The following UGT3A1 variants were observed in gnomAD, a reference collection of about 807,000 sequenced individuals.
UGT3A1 encodes UDP-glycosyltransferase 3A1.
In UGT3A1, 40 loss-of-function variants were observed where a neutral mutation model predicts 37.6. That is an observed-to-expected ratio of 1.06 (90% confidence interval 0.83 to 1.38). The LOEUF (loss-of-function observed/expected upper bound fraction) is 1.38. Ranked by LOEUF, UGT3A1 falls within the 40% of genes most tolerant of loss-of-function variation. The pLI is 0.00. For missense variants in UGT3A1, 642 were observed against 634.2 expected, an observed-to-expected ratio of 1.01 and a Z score of -0.13; for synonymous variants, 256 against 232.3, an observed-to-expected ratio of 1.10 and a Z score of -0.93.
At chr5:35,974,598 T>C (rs1580941290) in intron 2 of UGT3A1, among the ~76,000 whole-genome samples, 1 of 152,216 alleles carries the variant, frequency 6.6e-6, no homozygotes, top group East Asian at 1.9e-4. Flanking sequence ...TGGAGAATGA[T>C]AGATGTCATA....
At position 35,991,016 on chromosome 5, in the gene UGT3A1, CTCCAGCCAGG is replaced by C; in HGVS notation, c.94+121_94+130del. Reference sequence around the variant, plus strand: ...CCACGGCTAGATGGGCTTCTCCCTCCTCCAGCCAGGTCCGCAAGCCCAGCCTGGAAAATCG... The same window carrying C: ...CCACGGCTAGATGGGCTTCTCCCTCCTCCGCAAGCCCAGCCTGGAAAATCG... On this transcript the variant is annotated intron_variant, in intron 1 of 6. Coordinates refer to ENST00000274278, the MANE Select transcript of UGT3A1 (RefSeq NM_152404.4). 3 of 1,596,350 alleles carry C rather than the reference CTCCAGCCAGG, an allele frequency of 1.9e-6. No individual in the cohort carries two copies. In the East Asian group the frequency reaches 6.7e-5, roughly 36 times the overall value.
chr5:35,958,041 T>C (rs1739427172), intron 4 of UGT3A1, among the ~76,000 whole-genome samples: 1 of 152,230 alleles, frequency 6.6e-6, no homozygotes, highest in Non-Finnish European at 1.5e-5. Flanking sequence ...TCACATATTT[T>C]GGTGCTCTGT....
chr5:35,987,434 G>GC (rs1179669524), intron 2 of UGT3A1, among the ~76,000 whole-genome samples: 1 of 152,128 alleles, frequency 6.6e-6, no homozygotes, highest in Non-Finnish European at 1.5e-5. Context: ...ATTTTGGTGT[G>GC]CATGGTCTGT....
intron 1 of UGT3A1, among the ~76,000 whole-genome samples, chr5:35,988,976 G>C (rs184001859): frequency 1.3e-5 from 2 of 152,198 alleles, no homozygotes; most frequent in Admixed American, 6.5e-5. Flanking sequence ...TAGTATGAAG[G>C]GTTCCTAATG....
upstream of UGT3A1, among the ~76,000 whole-genome samples, chr5:35,995,668 C>A (rs538927573): frequency 6.6e-6 from 1 of 152,180 alleles, no homozygotes; most frequent in Non-Finnish European, 1.5e-5. Flanking sequence ...AACAACCAGC[C>A]CCCGAAATCC....
At chr5:35,984,571 C>G (rs62352021) in intron 2 of UGT3A1, among the ~76,000 whole-genome samples, 68,038 of 143,698 alleles carry the variant, frequency 0.47, 16,588 homozygotes, top group Non-Finnish European at 0.61. Flanking sequence ...CTCCCAAGTT[C>G]AAGTACTTAT....
At chr5:35,962,981 C>G (rs755313707) in intron 4 of UGT3A1, 1 of 701,674 alleles carries the variant, frequency 1.4e-6, no homozygotes, top group Non-Finnish European at 2.6e-6. Context: ...AGGTGTCCCT[C>G]ATTTCCCTTC....
chr5:35,955,505 G>T, intron 6 of UGT3A1, 140 bp downstream of exon 6: 1 of 941,800 alleles, frequency 1.1e-6, no homozygotes, highest in Non-Finnish European at 1.6e-6. Context: ...AGAGAAAACA[G>T]GTGGGCTGTT....
upstream of UGT3A1, among the ~76,000 whole-genome samples, chr5:35,993,530 C>T (rs1397218362): frequency 6.6e-6 from 1 of 152,164 alleles, no homozygotes; most frequent in East Asian, 1.9e-4. Context: ...CCTACCCACC[C>T]CTTACATGAA....
intron 1 of UGT3A1, among the ~76,000 whole-genome samples, chr5:35,988,800 T>C (rs1019404910): frequency 1.3e-5 from 2 of 152,166 alleles, no homozygotes; most frequent in African/African-American, 4.8e-5. Flanking sequence ...AGATTTCCGC[T>C]TGTGGCTCAA....
At chr5:35,959,683 T>C (rs1299385800) in intron 4 of UGT3A1, among the ~76,000 whole-genome samples, 1 of 152,122 alleles carries the variant, frequency 6.6e-6, no homozygotes. Context: ...AATAGGACAT[T>C]ATCATGTGGA....
chr5:35,971,962 C>G (rs535115552), intron 2 of UGT3A1, among the ~76,000 whole-genome samples: 2 of 152,036 alleles, frequency 1.3e-5, no homozygotes, highest in Non-Finnish European at 2.9e-5. Flanking sequence ...TTTCCTGCTG[C>G]GGGAGGAAAG....
intron 4 of UGT3A1, among the ~76,000 whole-genome samples, chr5:35,959,291 A>G (rs531290900): frequency 6.6e-6 from 1 of 152,250 alleles, no homozygotes; most frequent in Non-Finnish European, 1.5e-5. Flanking sequence ...ATCACAAGGC[A>G]TACAAAGAAA....
intron 3 of UGT3A1, among the ~76,000 whole-genome samples, chr5:35,966,398 C>T (rs1217463258): frequency 6.6e-6 from 1 of 152,188 alleles, no homozygotes; most frequent in African/African-American, 2.4e-5. Context: ...CAGATTGTCT[C>T]ATGCAGTGAA....
intron 2 of UGT3A1, among the ~76,000 whole-genome samples, chr5:35,987,282 AGAAG>A (rs1740764767): frequency 6.6e-6 from 1 of 152,188 alleles, no homozygotes; most frequent in Non-Finnish European, 1.5e-5. Flanking sequence ...ACTGCAAACT[AGAAG>A]GAAGAATATT....
intron 1 of UGT3A1, among the ~76,000 whole-genome samples, chr5:35,989,445 G>A (rs1347322910): frequency 6.6e-6 from 1 of 152,230 alleles, no homozygotes; most frequent in Non-Finnish European, 1.5e-5. Context: ...CCGAGAGTTT[G>A]AGGATGGAGG....
chr5:35,982,283 C>T (rs1266754213), intron 2 of UGT3A1, among the ~76,000 whole-genome samples: 3 of 152,148 alleles, frequency 2.0e-5, no homozygotes, highest in Admixed American at 2.0e-4. Context: ...GTAGAACCAT[C>T]CTCCTGGAAA....
Position 35,951,952 on chromosome 5 carries a change from T to C in UGT3A1, c.*2250A>G, listed in dbSNP as rs1173894491. 1 of 152,236 alleles carries C rather than the reference T, an allele frequency of 6.6e-6. No individual in the cohort carries two copies. The highest frequency in any genetic ancestry group is 2.4e-5 in the African/African-American group (1 of 41,460). The allele number at this position is 152,236 out of a possible 1,614,324, so 9.4% of individuals were successfully genotyped here. A position where few individuals can be genotyped will look rare whatever the true frequency, so the allele number is the denominator to read the frequency against. On this transcript the variant is annotated 3_prime_UTR_variant, in exon 7 of 7. Coordinates refer to ENST00000274278, the MANE Select transcript of UGT3A1 (RefSeq NM_152404.4). The stretch of plus-strand genomic sequence containing the variant: ...ATTTGTTCCAGGCACTATGCCAGGT[T>C]CTATAACAAGATAAATAGGAACCAG...
At chr5:35,981,798 T>C (rs1052341847) in intron 2 of UGT3A1, among the ~76,000 whole-genome samples, 2 of 152,192 alleles carry the variant, frequency 1.3e-5, no homozygotes, top group African/African-American at 4.8e-5. Flanking sequence ...ACAAAGACAA[T>C]GGAGAAAATA....
Sources: gnomAD v4.1 joint callset for allele counts (sites outside exome capture counted in the v4.1 genomes callset) on GRCh38, gnomAD v4.1.1 for gene constraint, MANE v1.5 for transcripts, NCBI Gene and HGNC (gene_info 2026-07-23, HGNC 2026-07-21) for gene names.